Variants in PCDHA11 observed in about 807,000 individuals in gnomAD.
PCDHA11 encodes the protein protocadherin alpha 11.
A neutral mutation model predicts 70.3 loss-of-function variants in PCDHA11; 61 were observed. The ratio of observed to expected loss-of-function variants is 0.87; its 90% CI spans 0.71 to 1.07. PCDHA11 has a LOEUF of 1.07. PCDHA11 is among the 50% of genes least tolerant of loss of function. The pLI, the probability that PCDHA11 is intolerant of heterozygous loss-of-function variation, is 0.00. For synonymous variants in PCDHA11, 633 were observed against 555.1 expected, an observed-to-expected ratio of 1.14 and a Z score of -1.97; for missense variants, 1,324 against 1,237.5, an observed-to-expected ratio of 1.07 and a Z score of -1.05.
intron 1 of PCDHA11, among the ~76,000 whole-genome samples, chr5:140,965,934 G>C (rs1186937423): frequency 6.6e-6 from 1 of 152,212 alleles, no homozygotes; most frequent in Non-Finnish European, 1.5e-5. Context: ...CTCCCGGAAA[G>C]AGGGCAGCAT....
chr5:140,927,071 G>A lies in PCDHA11; in HGVS notation c.2392-51878G>A. 3 of 1,611,088 alleles carry A rather than the reference G, an allele frequency of 1.9e-6. No homozygotes were observed. The highest frequency in any genetic ancestry group is 2.5e-6 in the Non-Finnish European group (3 of 1,177,862). On this transcript the variant is annotated intron_variant, in intron 1 of 3. Transcript: ENST00000398640. ...TCGCGGAACTTTCGCTTCCTTTCCAGCCACCGCGAGCTCTACTTCGGGGTG... is the reference window on the plus strand; with the variant it reads ...TCGCGGAACTTTCGCTTCCTTTCCAACCACCGCGAGCTCTACTTCGGGGTG...
chr5:140,980,360 G>A (rs1173525969), intron 2 of PCDHA11, among the ~76,000 whole-genome samples: 4 of 152,142 alleles, frequency 2.6e-5, no homozygotes, highest in Middle Eastern at 3.2e-3. Context: ...GACTGGGCGC[G>A]GTGGCTCACA....
chr5:140,984,325 G>C (rs2097097043), intron 3 of PCDHA11, among the ~76,000 whole-genome samples: 1 of 152,168 alleles, frequency 6.6e-6, no homozygotes, highest in Admixed American at 6.5e-5. Flanking sequence ...CTAGGCAAAT[G>C]TGGAATAGGA....
At position 140,993,462 on chromosome 5, in the gene PCDHA11, T is replaced by TCACACACACA. The variant is rs3836747; in HGVS notation, c.2539+10937_2539+10946dup. On this transcript the variant is annotated intron_variant, in intron 3 of 3. Coordinates refer to ENST00000398640, the MANE Select transcript of PCDHA11 (RefSeq NM_018902.5). Reference sequence around the variant, plus strand: ...CATTCCTGTTCTCCTTCTTTCTTTCTCACACACACACACACACACACACAC... The same window carrying TCACACACACA: ...CATTCCTGTTCTCCTTCTTTCTTTCTCACACACACACACACACACACACACACACACACAC... Among the ~76,000 whole-genome samples, 267 of 141,038 alleles carry TCACACACACA rather than the reference T, an allele frequency of 1.9e-3. 2 individuals are homozygous for TCACACACACA. The highest frequency in any genetic ancestry group is 2.7e-3 in the Non-Finnish European group (175 of 64,694). The allele number at this position is 141,038 out of a possible 152,430, so 92.5% of individuals were successfully genotyped here.
intron 1 of PCDHA11, chr5:140,883,461 T>C: frequency 2.5e-6 from 4 of 1,614,144 alleles, no homozygotes; most frequent in Non-Finnish European, 3.4e-6. Context: ...TTCAAGCTGG[T>C]GTCCACCTAC....
intron 1 of PCDHA11, chr5:140,929,324 T>C (rs781810168): frequency 1.2e-5 from 19 of 1,540,130 alleles, no homozygotes; most frequent in Non-Finnish European, 3.5e-6. Context: ...GTCAATGCCA[T>C]GGTAAGCAAA....
rs1554162740 is a variant in PCDHA11 at position 140,869,249 on chromosome 5, C to T, written c.146C>T (p.Ala49Val). 2 of 1,613,496 alleles carry T rather than the reference C, an allele frequency of 1.2e-6. No homozygotes were observed. Among genetic ancestry groups the T allele is most frequent in the Admixed American group, 3.3e-5 (2 of 60,002 alleles). The change falls in exon 1 of 4, where the codon GCG (alanine) becomes GTG (valine). Residue 49 changes from alanine to valine, a missense_variant. Coordinates refer to ENST00000398640, the MANE Select transcript of PCDHA11 (RefSeq NM_018902.5). ...CACGGCACCTTCGTGGGCCGCATCG[C>T]GCAGGACCTGGGGCTGGAGCTGGCG... ...AKHGTFVGRIAQDLGLELAEL... is the reference protein window; with the variant it reads ...AKHGTFVGRIVQDLGLELAEL...
In PCDHA11 at chr5:140,917,874, C is replaced by A. The variant is rs1240832097; in HGVS notation, c.2391+46380C>A. Among the ~76,000 whole-genome samples, 13 of 151,108 alleles carry A rather than the reference C, an allele frequency of 8.6e-5. No individual in the cohort carries two copies. In the East Asian group the frequency reaches 2.5e-3, roughly 29 times the overall value. ...CTTAGGATTGCTTTGACTATTTGGG[C>A]TCTTTTTTTTTTCCATATGAATGTT... On this transcript the variant is annotated intron_variant, in intron 1 of 3. Transcript: ENST00000398640.
chr5:140,998,965 G>C (rs1320225650), intron 3 of PCDHA11, among the ~76,000 whole-genome samples: 1 of 152,232 alleles, frequency 6.6e-6, no homozygotes, highest in Non-Finnish European at 1.5e-5. Context: ...TAATCAAATA[G>C]TATCCTAGAA....
chr5:140,895,668 T>C (rs2065102216), intron 1 of PCDHA11, among the ~76,000 whole-genome samples: 1 of 152,170 alleles, frequency 6.6e-6, no homozygotes, highest in South Asian at 2.1e-4. Flanking sequence ...TGAGAACATG[T>C]AGTATTTGGT....
At chr5:140,927,527 C>G in intron 1 of PCDHA11, 1 of 1,614,084 alleles carries the variant, frequency 6.2e-7, no homozygotes, top group African/African-American at 1.3e-5. Context: ...GGGCTACCTG[C>G]CCGCTCAGGA....
chr5:140,941,255 C>CTT (rs782490896), intron 1 of PCDHA11, among the ~76,000 whole-genome samples: 1,945 of 44,372 alleles, frequency 0.044, 20 homozygotes, highest in African/African-American at 0.075. Flanking sequence ...TTCTTTCTTT[C>CTT]TCTTTCTTTC....
chr5:140,966,278 T>A, intron 1 of PCDHA11: 1 of 363,192 alleles, frequency 2.8e-6, no homozygotes, highest in Non-Finnish European at 4.9e-6. Context: ...AACTGGACAG[T>A]GGGGGTAGGG....
At chr5:140,958,844 G>A (rs533464436) in intron 1 of PCDHA11, among the ~76,000 whole-genome samples, 81 of 152,122 alleles carry the variant, frequency 5.3e-4, no homozygotes, top group African/African-American at 1.9e-3. Context: ...TATCATTCCA[G>A]TGTCTTTGGT....
intron 1 of PCDHA11, chr5:140,883,651 G>A (rs782597421): frequency 1.9e-6 from 3 of 1,613,652 alleles, no homozygotes; most frequent in Middle Eastern, 1.7e-4. Flanking sequence ...CCGAGTACAC[G>A]GTGTTCGTGA....
In PCDHA11 at chr5:141,009,951, A is replaced by G. The variant is rs2303646; in HGVS notation, c.*14A>G. On this transcript the variant is annotated 3_prime_UTR_variant, in exon 4 of 4. Coordinates refer to ENST00000398640, the MANE Select transcript of PCDHA11 (RefSeq NM_018902.5). ...AGTGACCAGTGAGGTCCTCAAATGGAAACAAGCCACTTAGCCAGTTTTTGT... is the reference window on the plus strand; with the variant it reads ...AGTGACCAGTGAGGTCCTCAAATGGGAACAAGCCACTTAGCCAGTTTTTGT... 5,767 of 1,593,458 alleles carry G rather than the reference A, an allele frequency of 3.6e-3. 231 individuals are homozygous for G. In the East Asian group the frequency reaches 0.095, roughly 26 times the overall value.
At chr5:140,873,204 T>TAAAAG (rs2054159059) in intron 1 of PCDHA11, among the ~76,000 whole-genome samples, 1 of 152,168 alleles carries the variant, frequency 6.6e-6, no homozygotes, top group Non-Finnish European at 1.5e-5. Flanking sequence ...AAAACATTCT[T>TAAAAG]TAAGTATTAA....
intron 1 of PCDHA11, among the ~76,000 whole-genome samples, chr5:140,934,801 A>G (rs1470129792): frequency 1.3e-5 from 2 of 152,194 alleles, no homozygotes; most frequent in Non-Finnish European, 2.9e-5. Flanking sequence ...TATCTTTTTA[A>G]TGATCAAATT....
At chr5:140,967,618 G>T in intron 1 of PCDHA11, 3 of 1,614,174 alleles carry the variant, frequency 1.9e-6, no homozygotes, top group Non-Finnish European at 2.5e-6. Context: ...CCTCAGACCC[G>T]GATGAGGGCT....
Sources: allele counts gnomAD v4.1 joint callset (sites outside exome capture counted in the v4.1 genomes callset), GRCh38; gene constraint gnomAD v4.1.1; transcripts MANE v1.5; gene names NCBI Gene and HGNC (gene_info 2026-07-23, HGNC 2026-07-21).